LCOR: variants seen among roughly 807,000 people sequenced by gnomAD.
LCOR encodes the protein ligand-dependent corepressor.
A neutral mutation model predicts 64.4 loss-of-function variants in LCOR; 14 were observed. The ratio of observed to expected loss-of-function variants is 0.22; its 90% CI spans 0.14 to 0.34. The LOEUF is 0.34. Among genes scored for constraint, LCOR ranks in the 10% least tolerant of loss-of-function variants. LCOR has a pLI of 1.00. For missense variants in LCOR, 1,686 were observed against 1,765.3 expected (o/e 0.96, Z 0.80); for synonymous variants, 643 against 642.5 (o/e 1.00, Z -0.01).
At chr10:96,859,177 G>A (rs1158408587) in intron 2 of LCOR, among the ~76,000 whole-genome samples, 1 of 152,110 alleles carries the variant, frequency 6.6e-6, no homozygotes, top group East Asian at 1.9e-4. Context: ...CTTTCCATCG[G>A]TAAGCATTTT....
chr10:96,959,675 A>G (rs1469903459), intron 7 of LCOR: 2 of 152,158 alleles, frequency 1.3e-5, no homozygotes, highest in Non-Finnish European at 2.9e-5. Context: ...CCCAAATACC[A>G]TGAAGGACAA....
At chr10:96,863,038 A>T (rs1278402715) in intron 2 of LCOR, among the ~76,000 whole-genome samples, 1 of 149,952 alleles carries the variant, frequency 6.7e-6, no homozygotes, top group South Asian at 2.1e-4. Flanking sequence ...CCACCACCAC[A>T]TGCCCGGCTA....
At chr10:96,836,319 G>T (rs551401728) in intron 2 of LCOR, among the ~76,000 whole-genome samples, 1 of 152,144 alleles carries the variant, frequency 6.6e-6, no homozygotes, top group Admixed American at 6.5e-5. Context: ...ACAGGGTTTG[G>T]CTATGTTGTC....
In LCOR at chr10:96,845,449, C is replaced by CTTTTTTTTTTTTTT. The variant is rs762639752; in HGVS notation, c.-330+11994_-330+12007dup. On this transcript the variant is annotated intron_variant, in intron 2 of 7. Coordinates refer to ENST00000421806, the MANE Select transcript of LCOR (RefSeq NM_001346516.2). ...TTTGCCTCTTATAAATGGGCTTATC[C>CTTTTTTTTTTTTTT]TTTTTTTTTTTTTTTTTTTTTTTTT... 1.4e-4 allele frequency among the ~76,000 whole-genome samples: 7 copies of CTTTTTTTTTTTTTT among 48,686 alleles called. 3 individuals are homozygous for CTTTTTTTTTTTTTT. Among genetic ancestry groups the CTTTTTTTTTTTTTT allele is most frequent in the African/African-American group, 1.7e-4 (2 of 11,912 alleles). The allele number at this position is 48,686 out of a possible 152,430, so 31.9% of individuals were successfully genotyped here.
chr10:96,933,320 A>G (rs377572401), intron 4 of LCOR, among the ~76,000 whole-genome samples: 1 of 152,246 alleles, frequency 6.6e-6, no homozygotes, highest in African/African-American at 2.4e-5. Flanking sequence ...CATTATTTAT[A>G]AAAGCATAAA....
intron 2 of LCOR, among the ~76,000 whole-genome samples, chr10:96,896,248 TCATAC>T (rs1357433236): frequency 6.6e-6 from 1 of 152,216 alleles, no homozygotes; most frequent in Non-Finnish European, 1.5e-5. Context: ...TACCGTATAG[TCATAC>T]CTTATGTCAT....
In LCOR at chr10:96,987,272, GT is replaced by G. The variant is rs1471135782; in HGVS notation, c.*2141del. 5.3e-5 allele frequency: 8 copies of G among 152,326 alleles called. No individual in the cohort carries two copies. Among genetic ancestry groups the G allele is most frequent in the Non-Finnish European group, 1.2e-4 (8 of 68,028 alleles). 9.4% of individuals were successfully genotyped at this position (152,326 alleles called of 1,614,324 possible). On this transcript the variant is annotated 3_prime_UTR_variant, in exon 8 of 8. Coordinates refer to ENST00000421806, the MANE Select transcript of LCOR (RefSeq NM_001346516.2). ...TCATATAGTTGTCACTGGATATTGT[GT>G]TTGTGGTGACTTAAACAGCTGATGT...
intron 4 of LCOR, among the ~76,000 whole-genome samples, chr10:96,921,434 A>G (rs2134474587): frequency 6.6e-6 from 1 of 152,114 alleles, no homozygotes; most frequent in African/African-American, 2.4e-5. Context: ...GGTGTACGGC[A>G]AGGATCCAGC....
chr10:96,879,918 C>T (rs894505639), intron 2 of LCOR, among the ~76,000 whole-genome samples: 1 of 152,214 alleles, frequency 6.6e-6, no homozygotes, highest in African/African-American at 2.4e-5. Flanking sequence ...CCACCTCGGC[C>T]TCCCAAAGTG....
At chr10:96,954,210 T>A (rs1847727224) in intron 7 of LCOR, among the ~76,000 whole-genome samples, 1 of 152,132 alleles carries the variant, frequency 6.6e-6, no homozygotes, top group Non-Finnish European at 1.5e-5. Flanking sequence ...AAATGGAAAA[T>A]CATGATACTC....
Position 96,983,877 on chromosome 10 carries a change from G to C in LCOR, c.3417G>C (p.Arg1139Ser). Residue 1139 changes from arginine to serine, a missense_variant, in exon 8 of 8, where the codon AGG becomes AGC. Coordinates refer to ENST00000421806, the MANE Select transcript of LCOR (RefSeq NM_001346516.2). The surrounding 1 kb of genome is among the most constrained non-coding windows in gnomAD (Gnocchi z 4.5). ...EKEGQPTPRA[R>S]NKSDKLKEIW... is the part of the protein sequence containing the mutation. Reference sequence around the variant, plus strand: ...AAGGACAGCCAACACCAAGAGCAAGGAACAAATCAGATAAACTGAAAGAGA... The same window carrying C: ...AAGGACAGCCAACACCAAGAGCAAGCAACAAATCAGATAAACTGAAAGAGA... 1.2e-6 allele frequency: 2 copies of C among 1,614,056 alleles called. No individual in the cohort carries two copies. The highest frequency in any genetic ancestry group is 1.7e-6 in the Non-Finnish European group (2 of 1,180,000).
intron 4 of LCOR, among the ~76,000 whole-genome samples, chr10:96,920,554 A>ATG (rs1374280773): frequency 6.8e-6 from 1 of 147,074 alleles, no homozygotes; most frequent in African/African-American, 2.5e-5. Context: ...ATTCATATAT[A>ATG]TGTGTATATA....
At position 96,923,560 on chromosome 10, in the gene LCOR, A is replaced by G. The variant is rs537229375; in HGVS notation, c.-184+15813A>G. Among the ~76,000 whole-genome samples the G allele has an allele frequency of 1.1e-4, 16 of 152,284 alleles. No homozygotes were observed. The South Asian group carries it at 3.3e-3, about 32-fold the overall frequency. On this transcript the variant is annotated intron_variant, in intron 4 of 7. Transcript: ENST00000421806. ...TGTAAGTAAGCATCCTCCTCCTTTA[A>G]TCTTATCACCCAAAACACATCTAAA...
At chr10:96,890,067 A>G (rs950321764) in intron 2 of LCOR, among the ~76,000 whole-genome samples, 4 of 150,042 alleles carry the variant, frequency 2.7e-5, no homozygotes, top group Admixed American at 6.6e-5. Flanking sequence ...CTTTACCAGC[A>G]CTCGTTATTT....
At chr10:96,882,006 T>C (rs1307684292) in intron 2 of LCOR, among the ~76,000 whole-genome samples, 1 of 152,222 alleles carries the variant, frequency 6.6e-6, no homozygotes, top group Non-Finnish European at 1.5e-5. Flanking sequence ...TTCATTTGAG[T>C]TTTGTTGTCC....
chr10:96,943,393 G>T (rs1847532021), intron 4 of LCOR, among the ~76,000 whole-genome samples: 3 of 152,172 alleles, frequency 2.0e-5, no homozygotes, highest in Admixed American at 2.0e-4. Context: ...CACCTCGCCT[G>T]GTCAGATTCA....
At position 96,886,132 on chromosome 10, in the gene LCOR, C is replaced by T. The variant is rs537880959; in HGVS notation, c.-329-21133C>T. On this transcript the variant is annotated intron_variant, in intron 2 of 7. Coordinates refer to ENST00000421806, the MANE Select transcript of LCOR (RefSeq NM_001346516.2). ...GCTTCAAGTGATCTGCCCCACTTGG[C>T]CTCTCAAAGTGCTGGGATTACAGGT... Among the ~76,000 whole-genome samples the T allele has an allele frequency of 2.0e-5, 3 of 152,284 alleles. No individual in the cohort carries two copies. The South Asian group carries it at 6.2e-4, about 32-fold the overall frequency.
intron 7 of LCOR, among the ~76,000 whole-genome samples, chr10:96,965,387 G>A (rs1026858816): frequency 6.6e-6 from 1 of 150,718 alleles, no homozygotes; most frequent in Non-Finnish European, 1.5e-5. Context: ...TGTCGGCCGG[G>A]CACGATGGCT....
At chr10:96,927,784 T>A (rs1847193709) in intron 4 of LCOR, among the ~76,000 whole-genome samples, 1 of 152,234 alleles carries the variant, frequency 6.6e-6, no homozygotes, top group Non-Finnish European at 1.5e-5. Flanking sequence ...GTTGGTATAT[T>A]TCTGGACCCT....
Sources: allele counts gnomAD v4.1 joint callset (sites outside exome capture counted in the v4.1 genomes callset), GRCh38; gene constraint gnomAD v4.1.1; non-coding constraint Gnocchi (gnomAD v3.1); transcripts MANE v1.5; gene names NCBI Gene and HGNC (gene_info 2026-07-23, HGNC 2026-07-21).